Variants in ASPM observed in about 807,000 individuals in gnomAD.
ASPM encodes the protein assembly factor for spindle microtubules.
Under a neutral mutation model 366.4 loss-of-function variants are expected in ASPM, and 256 were observed. That is an observed-to-expected ratio of 0.70 (90% CI 0.63 to 0.77). The LOEUF is 0.77. ASPM is among the 30% of genes least tolerant of loss of function. The probability of loss-of-function intolerance (pLI) is 0.00; values close to 1 mark genes in which losing one functional copy is unlikely to be tolerated. For synonymous variants in ASPM, 1,414 were observed against 1,342.9 expected (o/e 1.05, Z -1.16); for missense variants, 4,146 against 4,090.4 (o/e 1.01, Z -0.37).
In ASPM at chr1:197,124,297, T is replaced by C; in HGVS notation, c.3203A>G (p.Glu1068Gly). Residue 1068 changes from glutamate (E) to glycine (G), a missense_variant, in exon 13 of 28, where the codon GAA (glutamate) becomes GGA (glycine). Glu to Gly is a moderately conservative substitution (Grantham distance 98, BLOSUM62 -2). Around this residue, in one of 3 missense-constraint regions of ASPM, gnomAD observed 3,624 missense variants for 3,591.7 expected, o/e 1.01. Coordinates refer to ENST00000367409, the MANE Select transcript of ASPM (RefSeq NM_018136.5). Reference protein sequence around the residue: ...DISLNLDQLKEEIAFLKHTKS... With the variant: ...DISLNLDQLKGEIAFLKHTKS... ...TGTGTGTTTTAGAAAGGCAATTTCT[T>C]CCTTTAATTGATCTAAGTTAAGGGA... 1.3e-6 allele frequency: 2 copies of C among 1,593,180 alleles called. No individual in the cohort carries two copies. Among genetic ancestry groups the C allele is most frequent in the Non-Finnish European group, 1.7e-6 (2 of 1,162,612 alleles).
chr1:197,129,611 C>T (rs1571620260), intron 8 of ASPM, among the ~76,000 whole-genome samples: 1 of 152,118 alleles, frequency 6.6e-6, no homozygotes, highest in East Asian at 1.9e-4. Context: ...ATTTAATGAA[C>T]ACCTACTACA....
chr1:197,090,108 C>T (rs373065042), intron 24 of ASPM, 24 bp from the exon 25 acceptor site: 11 of 1,612,734 alleles, frequency 6.8e-6, no homozygotes, highest in African/African-American at 2.7e-5. Context: ...AAAACACACA[C>T]ACACAGGTAA....
At position 197,122,531 on chromosome 1, in the gene ASPM, T is replaced by C; in HGVS notation, c.3455A>G (p.His1152Arg). ...AGCGTCAAATGGCACATAGCAAGGATGGTAATGGTGGATCAGGTAACATAA... is the reference window on the plus strand; with the variant it reads ...AGCGTCAAATGGCACATAGCAAGGACGGTAATGGTGGATCAGGTAACATAA... ...RVLCYLIHHY[H>R]PCYVPFDAIC... The change falls in exon 14 of 28, where the codon CAT (histidine) becomes CGT (arginine). Residue 1152 changes from histidine (H) to arginine (R), a missense_variant. Coordinates refer to ENST00000367409, the MANE Select transcript of ASPM (RefSeq NM_018136.5). 6.2e-7 allele frequency: 1 copy of C among 1,613,276 alleles called. No homozygotes were observed.
chr1:197,142,367 T>C lies in ASPM; in HGVS notation c.1885A>G (p.Ser629Gly), dbSNP rs766228975. 21 of 1,613,916 alleles carry C rather than the reference T, an allele frequency of 1.3e-5. No homozygotes were observed. In the Admixed American group the frequency reaches 3.3e-4, roughly 26 times the overall value. Reference sequence around the variant, plus strand: ...TTCAGGTTTAATTTCTCTCTGTTGCTAATACGTTTTGAGATGGGTGTTGTC... The same window carrying C: ...TTCAGGTTTAATTTCTCTCTGTTGCCAATACGTTTTGAGATGGGTGTTGTC... ...NVTTPISKRI[S>G]NREKLNLKKK... Residue 629 changes from serine (S) to glycine (G), a missense_variant, in exon 3 of 28, where the codon AGC becomes GGC. By Grantham distance (56) the Ser-to-Gly change is moderately conservative. Transcript: ENST00000367409.
rs952439751 is a variant in ASPM, at chr1:197,140,589, T to C, written c.1922-718A>G. ...GTCTAAGGTCACATAAGCTAGTAAG[T>C]AGCAAAGATTTGAACAAAGGCAGTA... On this transcript the variant is annotated intron_variant, in intron 3 of 27. Coordinates refer to ENST00000367409, the MANE Select transcript of ASPM (RefSeq NM_018136.5). Among the ~76,000 whole-genome samples the C allele has an allele frequency of 5.8e-4, 88 of 152,302 alleles. 1 individual carries two copies. The highest frequency in any genetic ancestry group is 2.0e-3 in the African/African-American group (83 of 41,566).
chr1:197,101,340 G>T lies in ASPM; in HGVS notation c.7911C>A (p.Ala2637=). The part of the protein sequence containing the change: ...AAIIIQKHCK[A]FKIRKHYLHL... ...GGAGATAATGCTTCCTTATTTTAAA[G>T]GCTTTACAATGCTTCTGAATAATAA... is the stretch of plus-strand genomic sequence containing the variant. The change falls in exon 18 of 28, where the codon GCC becomes GCA. Residue 2637 remains alanine, a synonymous_variant. Coordinates refer to ENST00000367409, the MANE Select transcript of ASPM (RefSeq NM_018136.5). The T allele has an allele frequency of 6.2e-7, 1 of 1,610,886 alleles. No individual in the cohort carries two copies. The highest frequency in any genetic ancestry group is 8.5e-7 in the Non-Finnish European group (1 of 1,178,826).
chr1:197,141,916 G>C (rs1308160543), intron 3 of ASPM, among the ~76,000 whole-genome samples: 1 of 152,148 alleles, frequency 6.6e-6, no homozygotes, highest in Non-Finnish European at 1.5e-5. Context: ...TCATAAATCA[G>C]ATACCCAATA....
At chr1:197,094,050 G>T in intron 20 of ASPM, 34 bp downstream of exon 20, 1 of 1,225,914 alleles carries the variant, frequency 8.2e-7, no homozygotes, top group Non-Finnish European at 1.2e-6. Context: ...TCCTAAAGTA[G>T]TTATTTGCAA....
rs1656721727 is a variant in ASPM at position 197,089,971 on chromosome 1, C to T, written c.9943G>A (p.Val3315Ile). ...SCNRSIPCME[V>I]IRYAVQVLLN... The stretch of plus-strand genomic sequence containing the variant: ...AAGACTTGCACAGCATATCTGATGA[C>T]TTCCATACAAGGAATACTGCGATTA... The change falls in exon 25 of 28, where the codon GTC (valine) becomes ATC (isoleucine). Residue 3315 changes from valine (V) to isoleucine (I), a missense_variant. This residue lies in a region of ASPM where 3,624 missense variants were observed against 3,591.7 expected (regional missense o/e 1.01). Transcript: ENST00000367409. 6.2e-7 allele frequency: 1 copy of T among 1,613,390 alleles called. No homozygotes were observed. Among genetic ancestry groups the T allele is most frequent in the East Asian group, 2.2e-5 (1 of 44,788 alleles).
chr1:197,139,692 A>C, intron 4 of ASPM, 75 bp downstream of exon 4: 1 of 1,164,214 alleles, frequency 8.6e-7, no homozygotes, highest in East Asian at 2.3e-5. Context: ...AAATCAATTC[A>C]TTTCCATGTG....
chr1:197,124,843 A>C, intron 12 of ASPM, 27 bp downstream of exon 12: 2 of 1,526,070 alleles, frequency 1.3e-6, no homozygotes, highest in Non-Finnish European at 1.8e-6. Context: ...TTGATAAAAA[A>C]TACAAGATGT....
At chr1:197,093,960 A>G (rs1656879180) in intron 20 of ASPM, 124 bp downstream of exon 20, 2 of 624,602 alleles carry the variant, frequency 3.2e-6, no homozygotes, top group Non-Finnish European at 5.6e-6. Flanking sequence ...ATGCATACTT[A>G]GGTCTTAAAA....
In ASPM at chr1:197,102,288, T is replaced by A; in HGVS notation, c.6963A>T (p.Ser2321=). ...VQNAVIKIQS[S]YRRWMIRKRM... ...TTTTCCTTATCATCCATCTTCTGTA[T>A]GATGACTGGATTTTAATAACTGCAT... Residue 2321 remains serine (S), a synonymous_variant, in exon 18 of 28, where the codon TCA becomes TCT. Coordinates refer to ENST00000367409, the MANE Select transcript of ASPM (RefSeq NM_018136.5). The A allele has an allele frequency of 6.2e-7, 1 of 1,612,842 alleles. No individual in the cohort carries two copies. Among genetic ancestry groups the A allele is most frequent in the Non-Finnish European group, 8.5e-7 (1 of 1,179,282 alleles).
Position 197,113,431 on chromosome 1 carries a change from G to A in ASPM, c.4065+4358C>T, listed in dbSNP as rs1273135041. 2.6e-5 allele frequency among the ~76,000 whole-genome samples: 4 copies of A among 152,040 alleles called. No individual in the cohort carries two copies. In the East Asian group the frequency reaches 5.8e-4, roughly 22 times the overall value. ...GGTAGCATGGCAAAAGGGCAAGGAT[G>A]GTCATTTCAGTAAAACATGCTGAAA... is the stretch of plus-strand genomic sequence containing the variant. On this transcript the variant is annotated intron_variant, in intron 17 of 27. Coordinates refer to ENST00000367409, the MANE Select transcript of ASPM (RefSeq NM_018136.5).
At chr1:197,136,912 A>G (rs1557962488) in intron 4 of ASPM, among the ~76,000 whole-genome samples, 2 of 152,162 alleles carry the variant, frequency 1.3e-5, no homozygotes. Flanking sequence ...CCTTATAGTT[A>G]TCATATAATA....
At chr1:197,113,137 C>G (rs1440397602) in intron 17 of ASPM, among the ~76,000 whole-genome samples, 1 of 152,146 alleles carries the variant, frequency 6.6e-6, no homozygotes, top group African/African-American at 2.4e-5. Context: ...ATTACATATT[C>G]TCACTTATAA....
rs886045772 is a variant in ASPM at position 197,103,645 on chromosome 1, G to C, written c.5606C>G (p.Thr1869Arg). The C allele has an allele frequency of 4.3e-6, 7 of 1,612,830 alleles. No individual in the cohort carries two copies. Among genetic ancestry groups the C allele is most frequent in the Non-Finnish European group, 5.1e-6 (6 of 1,179,364 alleles). The stretch of plus-strand genomic sequence containing the variant: ...AGCTGCCTTTGTCTTCAAAAAATGT[G>C]TTCTTGTATCATGAAGAGTCTTGTA... ...RAYKTLHDTR[T>R]HFLKTKAAVI... Residue 1869 changes from threonine to arginine, a missense_variant, in exon 18 of 28, where the codon ACA (threonine) becomes AGA (arginine). This residue lies in a region of ASPM where 3,624 missense variants were observed against 3,591.7 expected (regional missense o/e 1.01). Transcript: ENST00000367409.
chr1:197,117,470 C>G (rs1262762720), intron 17 of ASPM, among the ~76,000 whole-genome samples: 1 of 152,016 alleles, frequency 6.6e-6, no homozygotes, highest in Non-Finnish European at 1.5e-5. Context: ...TAAAAAAGAA[C>G]CTGGTTGGTT....
chr1:197,135,617 ATC>A (rs1157674599), intron 4 of ASPM, among the ~76,000 whole-genome samples: 1 of 133,776 alleles, frequency 7.5e-6, no homozygotes, highest in African/African-American at 2.9e-5. Context: ...CACCTTAAAT[ATC>A]TGTCTTTTTT....
Sources: allele counts gnomAD v4.1 joint callset (sites outside exome capture counted in the v4.1 genomes callset), GRCh38; gene constraint gnomAD v4.1.1; regional missense constraint gnomAD v4.1.1; transcripts MANE v1.5; gene names NCBI Gene and HGNC (gene_info 2026-07-23, HGNC 2026-07-21).